The following WDR41 variants were observed in gnomAD, a reference collection of about 807,000 sequenced individuals.
WDR41 encodes the protein WD repeat-containing protein 41.
Under a neutral mutation model 69.3 loss-of-function variants are expected in WDR41, and 63 were observed. The ratio of observed to expected loss-of-function variants is 0.91; its 90% CI spans 0.74 to 1.12. The LOEUF (loss-of-function observed/expected upper bound fraction) is 1.12. Among genes scored for constraint, WDR41 ranks in the 50% most tolerant of loss-of-function variants. The pLI, the probability that WDR41 is intolerant of heterozygous loss-of-function variation, is 0.00. For synonymous variants in WDR41, 185 were observed against 192.1 expected (o/e 0.96, Z 0.31); for missense variants, 543 against 534.5 (o/e 1.02, Z -0.16).
At chr5:77,527,788 A>T (rs1482374304) in intron 1 of WDR41, among the ~76,000 whole-genome samples, 1 of 151,856 alleles carries the variant, frequency 6.6e-6, no homozygotes, top group East Asian at 1.9e-4. Flanking sequence ...ATTTTTTAAA[A>T]CTTTAATATT....
At chr5:77,456,787 G>A (rs181981873) in intron 5 of WDR41, among the ~76,000 whole-genome samples, 147 of 152,108 alleles carry the variant, frequency 9.7e-4, no homozygotes, top group African/African-American at 3.4e-3. Context: ...CTGCAGCCTC[G>A]AACTCCTGGA....
intron 1 of WDR41, among the ~76,000 whole-genome samples, chr5:77,497,752 T>C (rs1801956446): frequency 6.6e-6 from 1 of 152,122 alleles, no homozygotes; most frequent in Admixed American, 6.6e-5. Flanking sequence ...TAGGCATATA[T>C]CTACAGGAAA....
chr5:77,541,434 T>C (rs1743086697), intron 1 of WDR41, among the ~76,000 whole-genome samples: 1 of 151,376 alleles, frequency 6.6e-6, no homozygotes, highest in South Asian at 2.1e-4. Flanking sequence ...ATGGCTATTA[T>C]TAAAAAGTCA....
Position 77,620,510 on chromosome 5 carries a change from G to GC in WDR41, c.10dup (p.Ala4GlyfsTer2), listed in dbSNP as rs5868876. The GC allele has an allele frequency of 0.67, 303,314 of 455,702 alleles. 101,597 individuals carry two copies. The highest frequency in any genetic ancestry group is 0.75 in the Admixed American group (31,876 of 42,558). 28.2% of individuals were successfully genotyped at this position (455,702 alleles called of 1,614,324 possible). On this transcript the variant is annotated frameshift_variant, in exon 1 of 6. Coordinates refer to the WDR41 transcript ENST00000509971. LOFTEE classifies it high-confidence loss of function. Reference sequence around the variant, plus strand: ...AGTTTCCCCTGGACTTGAACAATTAGCTTCATGCATACATAAAGAGAGGTT... The same window carrying GC: ...AGTTTCCCCTGGACTTGAACAATTAGCCTTCATGCATACATAAAGAGAGGTT...
chr5:77,440,908 A>G lies in WDR41; in HGVS notation c.787T>C (p.Trp263Arg). ...WTMQAYERNF[W>R]DPSPQLDTQQ... ...GTGTCCAGTTGTGGAGATGGGTCCC[A>G]GAAGTTGCGTTCATAGGCCTGCATG... Residue 263 changes from tryptophan (W) to arginine (R), a missense_variant, in exon 9 of 13, where the codon TGG (tryptophan) becomes CGG (arginine). Physicochemically the swap from Trp to Arg is moderately radical, Grantham distance 101. Transcript: ENST00000296679. 6.2e-7 allele frequency: 1 copy of G among 1,614,196 alleles called. No homozygotes were observed. The highest frequency in any genetic ancestry group is 8.5e-7 in the Non-Finnish European group (1 of 1,180,028).
At chr5:77,527,757 G>A (rs1488086383) in intron 1 of WDR41, among the ~76,000 whole-genome samples, 2 of 151,830 alleles carry the variant, frequency 1.3e-5, no homozygotes, top group African/African-American at 2.4e-5. Flanking sequence ...TGACTACAAT[G>A]TATCTAGGCT....
At chr5:77,443,045 C>G (rs1678772) in intron 8 of WDR41, among the ~76,000 whole-genome samples, 95,523 of 151,614 alleles carry the variant, frequency 0.63, 31,728 homozygotes, top group African/African-American at 0.84. Context: ...AGACAGAAGA[C>G]TATAATGCAC....
At chr5:77,465,068 T>C (rs1429245922) in intron 2 of WDR41, among the ~76,000 whole-genome samples, 3 of 152,156 alleles carry the variant, frequency 2.0e-5, no homozygotes, top group Non-Finnish European at 4.4e-5. Context: ...AAGTCCTTCT[T>C]TGCTTTAAAA....
chr5:77,526,165 T>C (rs1305007115), intron 1 of WDR41, among the ~76,000 whole-genome samples: 3 of 152,198 alleles, frequency 2.0e-5, no homozygotes, highest in African/African-American at 4.8e-5. Flanking sequence ...ATTCAATAGC[T>C]TTTAACATTT....
At chr5:77,525,934 A>G (rs1254021318) in intron 1 of WDR41, among the ~76,000 whole-genome samples, 1 of 152,130 alleles carries the variant, frequency 6.6e-6, no homozygotes, top group Admixed American at 6.6e-5. Context: ...ACACGCCAGC[A>G]CCACCCTTAG....
chr5:77,604,264 T>C (rs1353429903), intron 1 of WDR41, among the ~76,000 whole-genome samples: 1 of 152,220 alleles, frequency 6.6e-6, no homozygotes, highest in Non-Finnish European at 1.5e-5. Context: ...CAGTGTTTTG[T>C]AGTTTTCCCT....
intron 2 of WDR41, among the ~76,000 whole-genome samples, chr5:77,478,370 C>T (rs1039627766): frequency 2.0e-5 from 3 of 152,094 alleles, no homozygotes; most frequent in Admixed American, 1.3e-4. Context: ...GAGACATAAC[C>T]GAAAAAGAGA....
chr5:77,491,994 T>G, intron 1 of WDR41, 176 bp downstream of exon 1: 1 of 787,826 alleles, frequency 1.3e-6, no homozygotes, highest in Non-Finnish European at 1.9e-6. Flanking sequence ...TCTGAGGAGC[T>G]CCGGCTCCCG....
At chr5:77,466,568 T>C (rs898301758) in intron 2 of WDR41, among the ~76,000 whole-genome samples, 1 of 151,974 alleles carries the variant, frequency 6.6e-6, no homozygotes, top group Non-Finnish European at 1.5e-5. Context: ...TGTTTTATCA[T>C]GTTTGACTTT....
At chr5:77,582,314 T>C (rs13176191) in intron 1 of WDR41, 496,931 of 1,454,690 alleles carry the variant, frequency 0.34, 86,383 homozygotes, top group Middle Eastern at 0.35. Context: ...TGCATAGATA[T>C]ATAACAAGTT....
At chr5:77,586,693 A>AT (rs1744044556) in intron 1 of WDR41, among the ~76,000 whole-genome samples, 1 of 150,982 alleles carries the variant, frequency 6.6e-6, no homozygotes, top group Non-Finnish European at 1.5e-5. Context: ...CATGAAATCA[A>AT]ATTTTTTTTT....
In WDR41 at chr5:77,461,324, TAG is replaced by T. The variant is rs773700483; in HGVS notation, c.348+1769_348+1770del. On this transcript the variant is annotated intron_variant, in intron 4 of 12. Coordinates refer to ENST00000296679, the MANE Select transcript of WDR41 (RefSeq NM_018268.4). ...GTGTATGTATATATGTATGTATGTA[TAG>T]AGAGTTTATCCCCATTTAAACCTTT... 5.3e-5 allele frequency among the ~76,000 whole-genome samples: 8 copies of T among 152,222 alleles called. No individual in the cohort carries two copies. In the South Asian group the frequency reaches 1.0e-3, roughly 20 times the overall value.
chr5:77,458,019 G>A (rs1000496687), intron 5 of WDR41, among the ~76,000 whole-genome samples: 1 of 151,826 alleles, frequency 6.6e-6, no homozygotes, highest in Non-Finnish European at 1.5e-5. Context: ...TTTTCTCTTT[G>A]TTCCTTCAAG....
intron 3 of WDR41, 99 bp downstream of exon 3, chr5:77,464,662 G>A: frequency 1.7e-6 from 2 of 1,189,788 alleles, no homozygotes; most frequent in Non-Finnish European, 2.5e-6. Context: ...TCAATTAACA[G>A]TGATATGTAA....
Sources: gnomAD v4.1 joint callset for allele counts (sites outside exome capture counted in the v4.1 genomes callset) on GRCh38, gnomAD v4.1.1 for gene constraint, MANE v1.5 for transcripts, NCBI Gene and HGNC (gene_info 2026-07-23, HGNC 2026-07-21) for gene names.